MILR1: variants seen among roughly 807,000 people sequenced by gnomAD.
MILR1 encodes the protein mast cell immunoglobulin like receptor 1.
A neutral mutation model predicts 18.5 loss-of-function variants in MILR1; 31 were observed. The observed-to-expected ratio is 1.68, with a 90% CI of 1.26 to 2.26. MILR1 has a LOEUF of 2.26. MILR1 is among the 30% of genes most tolerant of loss of function. The probability of loss-of-function intolerance (pLI) is 0.00; values close to 1 mark genes in which losing one functional copy is unlikely to be tolerated. For missense variants in MILR1, 257 were observed against 157.4 expected, an observed-to-expected ratio of 1.63 and a Z score of -3.38; for synonymous variants, 85 against 56.2, an observed-to-expected ratio of 1.51 and a Z score of -2.30.
chr17:64,457,909 G>A (rs1004470357), intron 4 of MILR1, among the ~76,000 whole-genome samples: 2 of 152,102 alleles, frequency 1.3e-5, no homozygotes, highest in South Asian at 2.1e-4. Context: ...CACTTGAAGG[G>A]TCTCTTTGGT....
At chr17:64,486,142 G>A in the MILR1 span, among the ~76,000 whole-genome samples, 1 of 152,148 alleles carries the variant, frequency 6.6e-6, no homozygotes, top group Non-Finnish European at 1.5e-5. Flanking sequence ...CTGGGCCCAC[G>A]AAGACGATAA....
the MILR1 span, among the ~76,000 whole-genome samples, chr17:64,492,183 T>C: frequency 6.6e-6 from 1 of 152,236 alleles, no homozygotes; most frequent in Non-Finnish European, 1.5e-5. Flanking sequence ...CTCGTGATTA[T>C]TTCATACAGT....
the MILR1 span, among the ~76,000 whole-genome samples, chr17:64,483,721 C>CA: frequency 1.5e-5 from 2 of 137,296 alleles, no homozygotes; most frequent in Non-Finnish European, 3.2e-5. Flanking sequence ...ATGAAATTTG[C>CA]TTTTTTTTTT....
chr17:64,453,569 G>A (rs1419966938), intron 3 of MILR1, among the ~76,000 whole-genome samples: 1 of 133,856 alleles, frequency 7.5e-6, no homozygotes, highest in African/African-American at 3.0e-5. Context: ...TGAAGCCTTG[G>A]GCCCCTTGGA....
At chr17:64,492,464 C>T in the MILR1 span, among the ~76,000 whole-genome samples, 1 of 152,204 alleles carries the variant, frequency 6.6e-6, no homozygotes, top group Non-Finnish European at 1.5e-5. Flanking sequence ...TTAACAAACA[C>T]ATCTGAGCCC....
intron 6 of MILR1, 84 bp downstream of exon 6, chr17:64,465,625 G>T (rs782236718): frequency 1.6e-5 from 23 of 1,405,502 alleles, no homozygotes; most frequent in African/African-American, 4.3e-5. Flanking sequence ...ATACGGGAGT[G>T]GGGGGTGGAG....
At chr17:64,488,923 C>T in the MILR1 span, among the ~76,000 whole-genome samples, 1 of 151,768 alleles carries the variant, frequency 6.6e-6, no homozygotes, top group East Asian at 1.9e-4. Context: ...CCAGCCTGGG[C>T]AACAGAGTGA....
intron 2 of MILR1, among the ~76,000 whole-genome samples, chr17:64,450,569 T>C (rs1464147292): frequency 6.8e-6 from 1 of 146,310 alleles, no homozygotes; most frequent in Admixed American, 6.7e-5. Context: ...AACCTCCGCC[T>C]CCTGGGTTCA....
the MILR1 span, among the ~76,000 whole-genome samples, chr17:64,475,915 G>A: frequency 6.7e-6 from 1 of 148,296 alleles, no homozygotes; most frequent in African/African-American, 2.5e-5. Flanking sequence ...CTGGGTTCAA[G>A]CGATTCTCCT....
chr17:64,488,787 G>A, the MILR1 span, among the ~76,000 whole-genome samples: 1 of 151,928 alleles, frequency 6.6e-6, no homozygotes, highest in South Asian at 2.1e-4. Flanking sequence ...GGTCAATATG[G>A]TGAAACCCTG....
the MILR1 span, among the ~76,000 whole-genome samples, chr17:64,496,002 C>T: frequency 6.6e-6 from 1 of 152,240 alleles, no homozygotes; most frequent in African/African-American, 2.4e-5. Context: ...AGCCACTGCG[C>T]CTGGCCTTGA....
the MILR1 span, chr17:64,496,590 G>A: frequency 1.4e-5 from 22 of 1,613,208 alleles, no homozygotes; most frequent in Non-Finnish European, 1.9e-5. Flanking sequence ...GCGTCCACCG[G>A]GAATACCTGC....
At chr17:64,469,490 C>A (rs782402538), downstream of MILR1, among the ~76,000 whole-genome samples, 1 of 152,176 alleles carries the variant, frequency 6.6e-6, no homozygotes. Context: ...CTCCGCCTCC[C>A]GGATTAAAGC....
At chr17:64,458,535 C>A (rs2037353378) in intron 4 of MILR1, among the ~76,000 whole-genome samples, 1 of 151,596 alleles carries the variant, frequency 6.6e-6, no homozygotes, top group Non-Finnish European at 1.5e-5. Flanking sequence ...TTTCTAATAC[C>A]ATGCCCTCCT....
the MILR1 span, chr17:64,485,830 G>C: frequency 1.2e-6 from 2 of 1,613,826 alleles, no homozygotes; most frequent in Non-Finnish European, 1.7e-6. Context: ...CATTTACAGA[G>C]AGAACACAAG....
intron 6 of MILR1, among the ~76,000 whole-genome samples, chr17:64,465,837 T>A (rs2037544941): frequency 6.6e-6 from 1 of 152,134 alleles, no homozygotes; most frequent in African/African-American, 2.4e-5. Flanking sequence ...TTTTCACATC[T>A]GTTCAGAATG....
chr17:64,462,176 C>T (rs913350121), intron 5 of MILR1, among the ~76,000 whole-genome samples: 19 of 151,750 alleles, frequency 1.3e-4, no homozygotes, highest in South Asian at 4.2e-4. Flanking sequence ...TCCTTTTTTT[C>T]TCTCTCTCTC....
the MILR1 span, among the ~76,000 whole-genome samples, chr17:64,492,117 A>G: frequency 6.6e-6 from 1 of 152,240 alleles, no homozygotes; most frequent in African/African-American, 2.4e-5. Context: ...AAAGTGGGAT[A>G]AAGAAGAAAG....
At chr17:64,470,625 G>A (rs998981935), downstream of MILR1, among the ~76,000 whole-genome samples, 2 of 152,162 alleles carry the variant, frequency 1.3e-5, no homozygotes, top group Non-Finnish European at 2.9e-5. Flanking sequence ...CCCCGTCCCT[G>A]TCAGTGTCAG....
Sources: gnomAD v4.1 joint callset for allele counts (sites outside exome capture counted in the v4.1 genomes callset) on GRCh38, gnomAD v4.1.1 for gene constraint, MANE v1.5 for transcripts, NCBI Gene and HGNC (gene_info 2026-07-23, HGNC 2026-07-21) for gene names.